SNX29: variants seen among roughly 807,000 people sequenced by gnomAD.
SNX29 encodes the protein sorting nexin-29.
SNX29 carries 78 observed loss-of-function variants against 102.1 expected under a neutral mutation model. That is an observed-to-expected ratio of 0.76 (90% CI 0.64 to 0.92). The LOEUF (loss-of-function observed/expected upper bound fraction) is 0.92, where lower values mean the gene tolerates loss of function less well. Among genes scored for constraint, SNX29 ranks in the 40% least tolerant of loss-of-function variants. SNX29 has a pLI of 0.00. For synonymous variants in SNX29, 580 were observed against 414.5 expected (o/e 1.40, Z -4.85); for missense variants, 1,280 against 1,061.7 (o/e 1.21, Z -2.86).
intron 11 of SNX29, among the ~76,000 whole-genome samples, chr16:12,092,859 G>A (rs942723081): frequency 6.6e-6 from 1 of 152,196 alleles, no homozygotes; most frequent in Admixed American, 6.5e-5. Flanking sequence ...CACATGTGGT[G>A]ACATTCAGGT....
chr16:12,087,626 T>G (rs937496080), intron 11 of SNX29: 5 of 358,614 alleles, frequency 1.4e-5, no homozygotes, highest in African/African-American at 8.6e-5. Flanking sequence ...TTAGTACTCA[T>G]TAGATGGTAA....
At chr16:12,406,899 ACT>A (rs1014470129) in intron 18 of SNX29, among the ~76,000 whole-genome samples, 44 of 152,222 alleles carry the variant, frequency 2.9e-4, no homozygotes, top group African/African-American at 9.6e-4. Flanking sequence ...ACAGAGCGAG[ACT>A]CTGTCTCAAA....
chr16:12,017,747 C>T (rs538496066), intron 3 of SNX29, among the ~76,000 whole-genome samples: 1 of 152,106 alleles, frequency 6.6e-6, no homozygotes, highest in East Asian at 1.9e-4. Context: ...CCTTATGAGA[C>T]AGGAATTTAT....
chr16:12,071,155 C>T (rs943870633), intron 10 of SNX29, among the ~76,000 whole-genome samples: 6 of 151,126 alleles, frequency 4.0e-5, no homozygotes, highest in African/African-American at 1.5e-4. Context: ...TTTTGCTGTG[C>T]AGAAGCTCTT....
chr16:12,266,722 C>T (rs574972180), intron 14 of SNX29, among the ~76,000 whole-genome samples: 2 of 144,286 alleles, frequency 1.4e-5, no homozygotes, highest in South Asian at 2.2e-4. Flanking sequence ...ACTCAGACAA[C>T]GTGGTTCTTG....
chr16:12,550,886 C>G (rs9929649), intron 20 of SNX29, among the ~76,000 whole-genome samples: 2,557 of 152,162 alleles, frequency 0.017, 86 homozygotes, highest in African/African-American at 0.058. Flanking sequence ...AAACCTGTGA[C>G]GGGAGGGGAA....
intron 1 of SNX29, chr16:11,983,783 C>T (rs1459143111): frequency 4.7e-6 from 4 of 847,736 alleles, no homozygotes. Context: ...ATAGATTTCT[C>T]CAAATTGTGG....
chr16:12,398,377 C>T (rs2083793735), intron 16 of SNX29, 69 bp from the exon 17 acceptor site: 1 of 1,528,192 alleles, frequency 6.5e-7, no homozygotes, highest in Non-Finnish European at 9.1e-7. Context: ...CAGAATTCTT[C>T]TGTGATTATG....
intron 11 of SNX29, among the ~76,000 whole-genome samples, chr16:12,083,487 CT>C (rs199689096): frequency 0.041 from 6,307 of 152,082 alleles, 392 homozygotes; most frequent in African/African-American, 0.13. Context: ...TCCCTTATCT[CT>C]TCTTATAAGG....
intron 16 of SNX29, among the ~76,000 whole-genome samples, chr16:12,368,795 G>A (rs2082578335): frequency 6.6e-6 from 1 of 152,236 alleles, no homozygotes; most frequent in South Asian, 2.1e-4. Context: ...TCACCTGCAG[G>A]AGAAGTGACA....
chr16:12,537,911 G>A (rs9788839), intron 20 of SNX29, among the ~76,000 whole-genome samples: 18,595 of 151,278 alleles, frequency 0.12, 1,383 homozygotes, highest in Non-Finnish European at 0.16. Context: ...CTGGAACCCA[G>A]GAGGCAGAGG....
At chr16:12,228,980 C>T (rs954854527) in intron 14 of SNX29, among the ~76,000 whole-genome samples, 4 of 152,194 alleles carry the variant, frequency 2.6e-5, no homozygotes, top group Non-Finnish European at 4.4e-5. Context: ...GTCTAGAATG[C>T]GCTTTTCTCC....
chr16:12,491,268 T>G (rs1376800579), intron 19 of SNX29, among the ~76,000 whole-genome samples: 1 of 152,222 alleles, frequency 6.6e-6, no homozygotes, highest in Non-Finnish European at 1.5e-5. Context: ...AGACTCGGTT[T>G]CTCTAGGTTG....
chr16:12,340,448 C>T (rs984122231), intron 15 of SNX29, among the ~76,000 whole-genome samples: 1 of 152,164 alleles, frequency 6.6e-6, no homozygotes, highest in Non-Finnish European at 1.5e-5. Flanking sequence ...TGTTGTATCC[C>T]CAGTGTCTAG....
Position 12,464,003 on chromosome 16 carries a change from C to G in SNX29, c.2038-13716C>G, listed in dbSNP as rs34819462. 4.0e-3 allele frequency among the ~76,000 whole-genome samples: 615 copies of G among 152,226 alleles called. 5 individuals carry two copies. Among genetic ancestry groups the G allele is most frequent in the Middle Eastern group, 6.8e-3 (2 of 294 alleles). On this transcript the variant is annotated intron_variant, in intron 18 of 20. Coordinates refer to ENST00000566228, the MANE Select transcript of SNX29 (RefSeq NM_032167.5). ...AGATGTACCCTTTGACCAACATCAC[C>G]TATCTCCCCTATCCATCCCCCCAGC...
chr16:12,037,012 G>A (rs2057495006), intron 4 of SNX29, among the ~76,000 whole-genome samples: 1 of 152,146 alleles, frequency 6.6e-6, no homozygotes. Context: ...CTTCTCTGTG[G>A]TTGGGTGTCT....
chr16:12,551,363 C>A (rs987789492), intron 20 of SNX29, among the ~76,000 whole-genome samples: 2 of 152,224 alleles, frequency 1.3e-5, no homozygotes, highest in African/African-American at 4.8e-5. Context: ...GCTAGTCTTT[C>A]CATTTGCAGA....
chr16:12,544,218 G>A (rs1356387221), intron 20 of SNX29, among the ~76,000 whole-genome samples: 4 of 152,230 alleles, frequency 2.6e-5, no homozygotes, highest in Non-Finnish European at 4.4e-5. Flanking sequence ...GTGACAGCCG[G>A]TTCCTCACCA....
chr16:12,393,824 A>G (rs1045328770), intron 16 of SNX29, among the ~76,000 whole-genome samples: 1 of 152,262 alleles, frequency 6.6e-6, no homozygotes, highest in Non-Finnish European at 1.5e-5. Context: ...TGTTCAGCAC[A>G]TGCTGGCCTC....
Sources: allele counts gnomAD v4.1 joint callset (sites outside exome capture counted in the v4.1 genomes callset), GRCh38; gene constraint gnomAD v4.1.1; transcripts MANE v1.5; gene names NCBI Gene and HGNC (gene_info 2026-07-23, HGNC 2026-07-21).